Variants in CKB observed in about 807,000 individuals in gnomAD.
CKB encodes creatine kinase B-type.
A neutral mutation model predicts 36.9 loss-of-function variants in CKB; 15 were observed. That is an observed-to-expected ratio of 0.41 (90% CI 0.27 to 0.63). CKB has a LOEUF of 0.63. CKB is among the 20% of genes least tolerant of loss of function. The pLI, the probability that CKB is intolerant of heterozygous loss-of-function variation, is 0.34. For synonymous variants in CKB, 250 were observed against 228.2 expected, an observed-to-expected ratio of 1.10 and a Z score of -0.86; for missense variants, 413 against 534.9, an observed-to-expected ratio of 0.77 and a Z score of 2.25.
chr14:103,521,764 C>A, intron 4 of CKB, 54 bp downstream of exon 4: 1 of 1,340,180 alleles, frequency 7.5e-7, no homozygotes, highest in Non-Finnish European at 9.5e-7. Context: ...GGGCGGGGAC[C>A]GCGCCGGGAG....
At position 103,522,550 on chromosome 14, in the gene CKB, C is replaced by T; in HGVS notation, c.-12-45G>A. On this transcript the variant is annotated intron_variant, in intron 1 of 7. Transcript: ENST00000348956. The surrounding 1 kb of genome is among the most constrained non-coding windows in gnomAD (Gnocchi z 6.7). ...CAGAGGGGACCGGCACGCCGGGGTTCCCGGGCTCCCGCGTACCACTCAGGC... is the reference window on the plus strand; with the variant it reads ...CAGAGGGGACCGGCACGCCGGGGTTTCCGGGCTCCCGCGTACCACTCAGGC... 7.2e-7 allele frequency: 1 copy of T among 1,394,512 alleles called. No individual in the cohort carries two copies. The highest frequency in any genetic ancestry group is 9.4e-7 in the Non-Finnish European group (1 of 1,060,488). The allele number at this position is 1,394,512 out of a possible 1,614,324, so 86.4% of individuals were successfully genotyped here. A position where few individuals can be genotyped will look rare whatever the true frequency, so the allele number is the denominator to read the frequency against.
Position 103,522,599 on chromosome 14 carries a change from C to G in CKB, c.-12-94G>C. ...GCCCCCGCCGCCGGGCCCCCCGGCG[C>G]CCCCCGGGACGCGGCCAAGGTCAGC... On this transcript the variant is annotated intron_variant, in intron 1 of 7. Coordinates refer to ENST00000348956, the MANE Select transcript of CKB (RefSeq NM_001823.5). This position sits in a 1 kb window ranked among gnomAD's most constrained non-coding sequence, Gnocchi z 6.7. The G allele has an allele frequency of 2.3e-6, 2 of 871,926 alleles. No individual in the cohort carries two copies. Among genetic ancestry groups the G allele is most frequent in the Non-Finnish European group, 3.1e-6 (2 of 644,134 alleles). The allele number at this position is 871,926 out of a possible 1,614,324, so 54.0% of individuals were successfully genotyped here. A position where few individuals can be genotyped will look rare whatever the true frequency, so the allele number is the denominator to read the frequency against.
At position 103,521,243 on chromosome 14, in the gene CKB, G is replaced by A. The variant is rs766533899; in HGVS notation, c.653+20C>T. ...AGCGGGGAGGGAGGACGCCGCGAGA[G>A]GGCGCAGAGGGACACGCACCAGATA... is the stretch of plus-strand genomic sequence containing the variant. On this transcript the variant is annotated intron_variant, in intron 5 of 7. Coordinates refer to ENST00000348956, the MANE Select transcript of CKB (RefSeq NM_001823.5). 1.9e-6 allele frequency: 3 copies of A among 1,570,694 alleles called. No homozygotes were observed. The highest frequency in any genetic ancestry group is 3.5e-5 in the Admixed American group (2 of 57,420).
At position 103,522,505 on chromosome 14, in the gene CKB, G is replaced by A. The variant is rs1300413936; in HGVS notation, c.-12C>T. The stretch of plus-strand genomic sequence containing the variant: ...TTGGAGAAGGGCATGGCGGCGGCGG[G>A]CTGCGGGGAGACGCGGGGTCAGAGG... On this transcript the variant is annotated splice_region_variant and 5_prime_UTR_variant, in exon 2 of 8. Transcript: ENST00000348956. This position sits in a 1 kb window ranked among gnomAD's most constrained non-coding sequence, Gnocchi z 6.7. The A allele has an allele frequency of 1.3e-6, 2 of 1,590,772 alleles. No individual in the cohort carries two copies. Among genetic ancestry groups the A allele is most frequent in the Non-Finnish European group, 8.5e-7 (1 of 1,173,770 alleles).
intron 5 of CKB, chr14:103,520,795 C>T: frequency 1.3e-6 from 1 of 744,494 alleles, no homozygotes; most frequent in Non-Finnish European, 2.1e-6. Flanking sequence ...CCATCATGCG[C>T]TGTGGCCTGA....
At position 103,520,574 on chromosome 14, in the gene CKB, G is replaced by A. The variant is rs749765560; in HGVS notation, c.672C>T (p.Thr224=). 1.9e-6 allele frequency: 3 copies of A among 1,612,958 alleles called. No individual in the cohort carries two copies. Among genetic ancestry groups the A allele is most frequent in the East Asian group, 2.2e-5 (1 of 44,866 alleles). The change falls in exon 6 of 8, where the codon ACC becomes ACT. Residue 224 remains threonine, a synonymous_variant. Transcript: ENST00000348956. Reference sequence around the variant, plus strand: ...CCTCCTCGTTGACCCACACCAGGAAGGTCTTATTGTCATTGTGCCTGCGGG... The same window carrying A: ...CCTCCTCGTTGACCCACACCAGGAAAGTCTTATTGTCATTGTGCCTGCGGG... ...ARGIWHNDNK[T]FLVWVNEEDH...
At chr14:103,520,925 GGAGT>G (rs907069592) in intron 5 of CKB, 4 of 518,952 alleles carry the variant, frequency 7.7e-6, no homozygotes, top group African/African-American at 2.0e-5. Context: ...CAGCGGCGGA[GGAGT>G]GAGAAAAGAA....
chr14:103,520,385 C>G, intron 6 of CKB, 74 bp from the exon 7 acceptor site: 1 of 1,585,654 alleles, frequency 6.3e-7, no homozygotes. Flanking sequence ...TCCCCAGTGC[C>G]GGAAATCCCC....
Position 103,522,008 on chromosome 14 carries a change from C to T in CKB, c.348+15G>A, listed in dbSNP as rs774871992. 28 of 1,546,688 alleles carry T rather than the reference C, an allele frequency of 1.8e-5. No homozygotes were observed. In the East Asian group the frequency reaches 6.6e-4, roughly 36 times the overall value. ...ACCCCGGCCCCGCCCGCCCGGCCCG[C>T]CCGCAGCCCCGCACCTGCAGGTTGT... On this transcript the variant is annotated intron_variant, in intron 3 of 7. Transcript: ENST00000348956. This position sits in a 1 kb window ranked among gnomAD's most constrained non-coding sequence, Gnocchi z 6.7.
chr14:103,520,851 C>A, intron 5 of CKB: 1 of 519,900 alleles, frequency 1.9e-6, no homozygotes, highest in East Asian at 3.6e-5. Flanking sequence ...ACCCGCCCCC[C>A]ACAGTGGGGG....
At chr14:103,520,338 GAGA>G (rs2075891642) in intron 6 of CKB, 27 bp from the exon 7 acceptor site, 1 of 1,589,574 alleles carries the variant, frequency 6.3e-7, no homozygotes, top group African/African-American at 1.3e-5. Context: ...GGGTATGAGG[GAGA>G]AGGCCTGCCT....
At chr14:103,520,978 C>G (rs1309068585) in intron 5 of CKB, 20 of 576,736 alleles carry the variant, frequency 3.5e-5, no homozygotes, top group Non-Finnish European at 5.3e-5. Context: ...CGGGGAGAGG[C>G]GCCAGAGAGC....
chr14:103,521,877 C>G lies in CKB; in HGVS notation c.422G>C (p.Cys141Ser). The change falls in exon 4 of 8, where the codon TGC (cysteine) becomes TCC (serine). Residue 141 changes from cysteine to serine, a missense_variant. Cys to Ser is a moderately radical substitution (Grantham distance 112). Coordinates refer to ENST00000348956, the MANE Select transcript of CKB (RefSeq NM_001823.5). The stretch of plus-strand genomic sequence containing the variant: ...CCCGCGGCTGCAGTGCGGGGGGAGG[C>G]AGAAGCCACGGATGCTGCGGCCCGT... ...VRTGRSIRGF[C>S]LPPHCSRGER... 6.4e-7 allele frequency: 1 copy of G among 1,563,514 alleles called. No homozygotes were observed. The highest frequency in any genetic ancestry group is 8.6e-7 in the Non-Finnish European group (1 of 1,165,074).
Position 103,519,766 on chromosome 14 carries a change from A to C in CKB, c.*98T>G. On this transcript the variant is annotated 3_prime_UTR_variant, in exon 8 of 8. Transcript: ENST00000348956. ...GACGGAAGTCTCTACAGCAAGGCTAAGGGCTCGCCAGACGGCGAACATCAG... is the reference window on the plus strand; with the variant it reads ...GACGGAAGTCTCTACAGCAAGGCTACGGGCTCGCCAGACGGCGAACATCAG... 1 of 1,385,798 alleles carries C rather than the reference A, an allele frequency of 7.2e-7. No individual in the cohort carries two copies. Among genetic ancestry groups the C allele is most frequent in the South Asian group, 1.4e-5 (1 of 72,434 alleles). 85.8% of individuals were successfully genotyped at this position (1,385,798 alleles called of 1,614,324 possible). A position where few individuals can be genotyped will look rare whatever the true frequency, so the allele number is the denominator to read the frequency against.
chr14:103,522,261 G>A lies in CKB; in HGVS notation c.193+40C>T, dbSNP rs914021014. The A allele has an allele frequency of 4.1e-4, 649 of 1,572,150 alleles. 1 individual carries two copies. The highest frequency in any genetic ancestry group is 4.8e-4 in the Non-Finnish European group (554 of 1,162,470). On this transcript the variant is annotated intron_variant, in intron 2 of 7. Transcript: ENST00000348956. This position sits in a 1 kb window ranked among gnomAD's most constrained non-coding sequence, Gnocchi z 6.7. ...CTGAGGACCCTGCGGCTGCGCGGGG[G>A]GAGGGGGGGCCGGGACCCCGGCCCC...
At chr14:103,521,501 C>T in intron 4 of CKB, 67 bp from the exon 5 acceptor site, 1 of 1,373,924 alleles carries the variant, frequency 7.3e-7, no homozygotes, top group South Asian at 1.6e-5. Flanking sequence ...CGCGGACCCG[C>T]CCGCCCCCGT....
intron 4 of CKB, 132 bp from the exon 5 acceptor site, chr14:103,521,566 A>G: frequency 1.0e-6 from 1 of 989,546 alleles, no homozygotes. Context: ...GCGGGCGTCC[A>G]GTCCTCACGG....
rs1211741140 is a variant in CKB at position 103,522,786 on chromosome 14, G to T, written c.-33C>A. 1 of 150,576 alleles carries T rather than the reference G, an allele frequency of 6.6e-6. No individual in the cohort carries two copies. The highest frequency in any genetic ancestry group is 2.0e-4 in the East Asian group (1 of 5,104). 9.3% of individuals were successfully genotyped at this position (150,576 alleles called of 1,614,324 possible). Reference sequence around the variant, plus strand: ...CTCACCGGGCGGCCGGGCGGGGGCGGGGGCGCTCCGTCCGTCGGCAGCTCC... The same window carrying T: ...CTCACCGGGCGGCCGGGCGGGGGCGTGGGCGCTCCGTCCGTCGGCAGCTCC... On this transcript the variant is annotated 5_prime_UTR_variant, in exon 1 of 8. Transcript: ENST00000348956. This position sits in a 1 kb window ranked among gnomAD's most constrained non-coding sequence, Gnocchi z 6.7.
At position 103,522,292 on chromosome 14, in the gene CKB, G is replaced by A. The variant is rs2984136; in HGVS notation, c.193+9C>T. 88 of 1,600,518 alleles carry A rather than the reference G, an allele frequency of 5.5e-5. 1 individual carries two copies. Among genetic ancestry groups the A allele is most frequent in the South Asian group, 1.2e-4 (11 of 90,418 alleles). On this transcript the variant is annotated intron_variant, in intron 2 of 7. Coordinates refer to ENST00000348956, the MANE Select transcript of CKB (RefSeq NM_001823.5). This position sits in a 1 kb window ranked among gnomAD's most constrained non-coding sequence, Gnocchi z 6.7. ...GGGGCCGGGACCCCGGCCCCGAGGG[G>A]TCGCGTACCCGGGTTGTCCACGCCT...
Sources: allele counts gnomAD v4.1 joint callset, GRCh38; gene constraint gnomAD v4.1.1; non-coding constraint Gnocchi (gnomAD v3.1); transcripts MANE v1.5; gene names NCBI Gene and HGNC (gene_info 2026-07-23, HGNC 2026-07-21).